Variants in TSEN15 observed in about 807,000 individuals in gnomAD.
The protein encoded by TSEN15 is tRNA-splicing endonuclease subunit Sen15.
TSEN15 carries 10 observed loss-of-function variants against 20.5 expected under a neutral mutation model. The observed-to-expected ratio is 0.49, with a 90% CI of 0.30 to 0.83. The LOEUF (loss-of-function observed/expected upper bound fraction) is 0.83, where lower values mean the gene tolerates loss of function less well. TSEN15 is among the 40% of genes least tolerant of loss of function. TSEN15 has a pLI of 0.06. For missense variants in TSEN15, 180 were observed against 218.6 expected (o/e 0.82, Z 1.11); for synonymous variants, 72 against 80.1 (o/e 0.90, Z 0.54).
chr1:184,070,054 A>T (rs925841256), intron 3 of TSEN15, among the ~76,000 whole-genome samples: 4 of 152,020 alleles, frequency 2.6e-5, no homozygotes, highest in African/African-American at 9.7e-5. Context: ...TTAGTTTTCA[A>T]ATGTTAGGGT....
intron 3 of TSEN15, among the ~76,000 whole-genome samples, chr1:184,081,518 G>T (rs1651167415): frequency 6.6e-6 from 1 of 152,168 alleles, no homozygotes; most frequent in South Asian, 2.1e-4. Context: ...AGAAAGAGGG[G>T]AAGTGCAAAT....
intron 3 of TSEN15, among the ~76,000 whole-genome samples, chr1:184,065,470 A>T (rs1219393675): frequency 6.6e-6 from 1 of 152,200 alleles, no homozygotes; most frequent in Non-Finnish European, 1.5e-5. Context: ...CATCACATAC[A>T]GAATAGTTTC....
intron 3 of TSEN15, among the ~76,000 whole-genome samples, chr1:184,083,827 C>T (rs1651212658): frequency 6.6e-6 from 1 of 152,138 alleles, no homozygotes; most frequent in African/African-American, 2.4e-5. Flanking sequence ...CTGTGATCCC[C>T]TCTAGCTCTT....
At chr1:184,057,804 C>T (rs1346448897) in intron 3 of TSEN15, among the ~76,000 whole-genome samples, 2 of 152,008 alleles carry the variant, frequency 1.3e-5, no homozygotes, top group Non-Finnish European at 2.9e-5. Context: ...TTGAGAAGCT[C>T]CTTACTGTTT....
intron 4 of TSEN15, 49 bp downstream of exon 4, chr1:184,072,347 A>G: frequency 6.5e-7 from 1 of 1,547,788 alleles, no homozygotes. Flanking sequence ...GAGGAAAATT[A>G]TGACGTGATT....
intron 3 of TSEN15, among the ~76,000 whole-genome samples, chr1:184,090,024 G>T (rs1651331226): frequency 1.3e-5 from 2 of 152,184 alleles, no homozygotes; most frequent in South Asian, 2.1e-4. Flanking sequence ...ACCTGTACAT[G>T]AGGTTTATAA....
chr1:184,056,023 A>T (rs1650239821), intron 3 of TSEN15, among the ~76,000 whole-genome samples: 1 of 151,818 alleles, frequency 6.6e-6, no homozygotes, highest in Non-Finnish European at 1.5e-5. Context: ...ACTTAATATT[A>T]TATTACTAAA....
chr1:184,090,264 C>T (rs1651334359), intron 3 of TSEN15, among the ~76,000 whole-genome samples: 1 of 152,042 alleles, frequency 6.6e-6, no homozygotes, highest in Admixed American at 6.6e-5. Flanking sequence ...TGAGAAAAGG[C>T]AAATTTAATC....
chr1:184,095,940 T>C (rs1190351306), exon 4 of TSEN15: 12 of 389,996 alleles, frequency 3.1e-5, no homozygotes, highest in African/African-American at 2.3e-4. Flanking sequence ...TCATTAATTG[T>C]AATAATACCA....
intron 3 of TSEN15, among the ~76,000 whole-genome samples, chr1:184,069,282 GGAT>G (rs1411681759): frequency 6.6e-6 from 1 of 151,872 alleles, no homozygotes; most frequent in Non-Finnish European, 1.5e-5. Context: ...TCTTTAGGTG[GGAT>G]TTTTCCCTTT....
In TSEN15 at chr1:184,072,880, A is replaced by T; in HGVS notation, c.*33A>T. The T allele has an allele frequency of 6.3e-7, 1 of 1,596,314 alleles. No homozygotes were observed. Among genetic ancestry groups the T allele is most frequent in the Non-Finnish European group, 8.5e-7 (1 of 1,172,012 alleles). On this transcript the variant is annotated 3_prime_UTR_variant, in exon 5 of 5. Coordinates refer to ENST00000645668, the MANE Select transcript of TSEN15 (RefSeq NM_052965.4). ...GTTTCCTGATGCTTGTTTTATTCAT[A>T]CAAGATTGGATTTGAGACCCATCAG...
chr1:184,081,571 A>T (rs1199398886), intron 3 of TSEN15, among the ~76,000 whole-genome samples: 2 of 152,232 alleles, frequency 1.3e-5, no homozygotes, highest in African/African-American at 4.8e-5. Context: ...TTCAGAAAGC[A>T]GCACTTCCAG....
At chr1:184,088,736 C>CTGTTTGTT (rs541537106) in intron 3 of TSEN15, among the ~76,000 whole-genome samples, 1 of 129,406 alleles carries the variant, frequency 7.7e-6, no homozygotes. Context: ...GGGTTGTTTT[C>CTGTTTGTT]TGTTTGTTTG....
intron 3 of TSEN15, among the ~76,000 whole-genome samples, chr1:184,089,989 G>A (rs542519493): frequency 6.6e-6 from 1 of 152,224 alleles, no homozygotes; most frequent in South Asian, 2.1e-4. Flanking sequence ...CCCACTAAAA[G>A]GTCATGCATA....
chr1:184,060,513 T>G (rs1650414226), intron 3 of TSEN15, among the ~76,000 whole-genome samples: 1 of 152,246 alleles, frequency 6.6e-6, no homozygotes, highest in South Asian at 2.1e-4. Context: ...TTGAAGGGCT[T>G]TAAGCAAGGA....
intron 3 of TSEN15, among the ~76,000 whole-genome samples, chr1:184,063,319 G>A (rs1650533736): frequency 6.6e-6 from 1 of 152,122 alleles, no homozygotes; most frequent in Non-Finnish European, 1.5e-5. Flanking sequence ...TTGCTCCTTT[G>A]CAAGCTTAGC....
rs190699622 is a variant in TSEN15, at chr1:184,079,598, G to A, written c.354-16092G>A. Among the ~76,000 whole-genome samples the A allele has an allele frequency of 2.8e-4, 43 of 152,272 alleles. 1 individual carries two copies. The highest frequency in any genetic ancestry group is 2.7e-3 in the Admixed American group (42 of 15,274). ...GGAGAGAGAGAGAGGGTCAGAGCAC[G>A]TGCAAGTGCATGCTGTCTGGCGGCA... On this transcript the variant is annotated intron_variant, in intron 3 of 3. Coordinates refer to the TSEN15 transcript ENST00000643231.
intron 3 of TSEN15, among the ~76,000 whole-genome samples, chr1:184,086,486 C>T (rs139772663): frequency 6.6e-6 from 1 of 152,240 alleles, no homozygotes; most frequent in Non-Finnish European, 1.5e-5. Flanking sequence ...TTTTGTGGTT[C>T]AGAAATTTGG....
intron 3 of TSEN15, among the ~76,000 whole-genome samples, chr1:184,067,924 C>CAAAAAAAAAAA (rs71130650): frequency 1.8e-5 from 1 of 54,846 alleles, no homozygotes; most frequent in African/African-American, 9.3e-5. Context: ...CTCTCTCTCT[C>CAAAAAAAAAAA]AAAAAAAAAA....
Sources: allele counts gnomAD v4.1 joint callset (sites outside exome capture counted in the v4.1 genomes callset), GRCh38; gene constraint gnomAD v4.1.1; transcripts MANE v1.5; gene names NCBI Gene and HGNC (gene_info 2026-07-23, HGNC 2026-07-21).